BICDL1: variants seen among roughly 807,000 people sequenced by gnomAD.
The protein encoded by BICDL1 is BICD family like cargo adaptor 1, also known as BICD family-like cargo adapter 1.
A neutral mutation model predicts 76.8 loss-of-function variants in BICDL1; 20 were observed. The ratio of observed to expected loss-of-function variants is 0.26; its 90% CI spans 0.18 to 0.38. The LOEUF (loss-of-function observed/expected upper bound fraction) is 0.38. Among genes scored for constraint, BICDL1 ranks in the 10% least tolerant of loss-of-function variants. The pLI is 1.00. For synonymous variants in BICDL1, 383 were observed against 337.1 expected (o/e 1.14, Z -1.49); for missense variants, 700 against 798.6 (o/e 0.88, Z 1.49).
At chr12:120,074,704 A>C (rs1348311385) in intron 7 of BICDL1, 118 bp downstream of exon 7, 2 of 806,014 alleles carry the variant, frequency 2.5e-6, no homozygotes, top group Admixed American at 1.2e-4. Flanking sequence ...CCTTCATCAG[A>C]TCATCAAGGA....
At chr12:120,045,367 C>T (rs1233088689) in intron 2 of BICDL1, among the ~76,000 whole-genome samples, 2 of 150,798 alleles carry the variant, frequency 1.3e-5, no homozygotes, top group African/African-American at 4.8e-5. Context: ...GTGGCGATTC[C>T]TCAGGGATCT....
intron 8 of BICDL1, among the ~76,000 whole-genome samples, chr12:120,086,841 A>G (rs934927920): frequency 6.6e-6 from 1 of 152,250 alleles, no homozygotes; most frequent in African/African-American, 2.4e-5. Flanking sequence ...GGGGTTTCCC[A>G]TGAATGACGA....
At position 120,072,544 on chromosome 12, in the gene BICDL1, G is replaced by C; in HGVS notation, c.1123G>C (p.Val375Leu). 6.2e-7 allele frequency: 1 copy of C among 1,614,144 alleles called. No individual in the cohort carries two copies. Among genetic ancestry groups the C allele is most frequent in the Non-Finnish European group, 8.5e-7 (1 of 1,179,984 alleles). The change falls in exon 6 of 10, where the codon GTT becomes CTT. Residue 375 changes from valine to leucine, a missense_variant. Val to Leu is a conservative substitution (Grantham distance 32). Coordinates refer to ENST00000548673, the MANE Select transcript of BICDL1 (RefSeq NM_001367886.1). ...GCAGCTCTGGGAAGCCTACTGCCAG[G>C]TTCGCTATCTGTGCTCACACCTTCG... ...RLQLWEAYCQ[V>L]RYLCSHLRGN...
At position 120,093,190 on chromosome 12, in the gene BICDL1, G is replaced by C; in HGVS notation, c.*29G>C. 1.3e-6 allele frequency: 2 copies of C among 1,561,804 alleles called. No individual in the cohort carries two copies. Among genetic ancestry groups the C allele is most frequent in the Non-Finnish European group, 8.7e-7 (1 of 1,152,402 alleles). The stretch of plus-strand genomic sequence containing the variant: ...GGGAGGAGTCAGGCCACCAAAGATG[G>C]GTGGACTGGAGGCAGCTGGAAAGGC... On this transcript the variant is annotated 3_prime_UTR_variant, in exon 10 of 10. Transcript: ENST00000548673.
chr12:120,076,685 C>A (rs1272669943), intron 7 of BICDL1, among the ~76,000 whole-genome samples: 1 of 152,198 alleles, frequency 6.6e-6, no homozygotes, highest in East Asian at 1.9e-4. Flanking sequence ...TAGAATTGGA[C>A]TTCTGTAGGC....
chr12:120,011,698 A>G (rs1951956691), intron 2 of BICDL1, among the ~76,000 whole-genome samples: 1 of 152,238 alleles, frequency 6.6e-6, no homozygotes, highest in Non-Finnish European at 1.5e-5. Context: ...TATATTAGGT[A>G]GAATAACATT....
At position 119,990,214 on chromosome 12, in the gene BICDL1, C is replaced by G; in HGVS notation, c.346C>G (p.Leu116Val). The change falls in exon 1 of 10, where the codon CTG (leucine) becomes GTG (valine). Residue 116 changes from leucine (L) to valine (V), a missense_variant. Physicochemically the swap from Leu to Val is conservative, Grantham distance 32 (BLOSUM62 1). Around this residue, in one of 3 missense-constraint regions of BICDL1, gnomAD observed 225 missense variants for 199.6 expected, o/e 1.13. Coordinates refer to ENST00000548673, the MANE Select transcript of BICDL1 (RefSeq NM_001367886.1). Reference protein sequence around the residue: ...KEKDLVLAARLGKALLERNQD... With the variant: ...KEKDLVLAARVGKALLERNQD... The stretch of plus-strand genomic sequence containing the variant: ...GAAGGATCTGGTGTTGGCGGCCCGG[C>G]TGGGTAAGGCGCTGCTCGAGAGGAA... 2 of 1,570,138 alleles carry G rather than the reference C, an allele frequency of 1.3e-6. No individual in the cohort carries two copies. The highest frequency in any genetic ancestry group is 1.2e-5 in the South Asian group (1 of 85,316).
At chr12:120,013,323 A>G (rs1951992211) in intron 2 of BICDL1, among the ~76,000 whole-genome samples, 1 of 151,592 alleles carries the variant, frequency 6.6e-6, no homozygotes, top group Non-Finnish European at 1.5e-5. Context: ...CAAAAAAAAA[A>G]AAAAATTATA....
chr12:120,075,001 GTTC>G (rs1357374922), intron 7 of BICDL1, among the ~76,000 whole-genome samples: 2 of 152,186 alleles, frequency 1.3e-5, no homozygotes, highest in Admixed American at 6.5e-5. Context: ...CTCTCAGCCT[GTTC>G]TTCTGCTTTA....
intron 2 of BICDL1, among the ~76,000 whole-genome samples, chr12:120,046,517 A>G (rs970319920): frequency 3.3e-5 from 5 of 152,246 alleles, no homozygotes; most frequent in African/African-American, 1.2e-4. Flanking sequence ...GGTAGGTACT[A>G]CTTTCTCCTA....
intron 2 of BICDL1, among the ~76,000 whole-genome samples, chr12:120,023,274 C>G (rs1362178186): frequency 1.3e-5 from 2 of 152,156 alleles, no homozygotes; most frequent in African/African-American, 4.8e-5. Flanking sequence ...TGTGTTGGAC[C>G]ACTTTCAAAG....
intron 2 of BICDL1, among the ~76,000 whole-genome samples, chr12:120,019,455 A>C (rs1206366027): frequency 6.6e-6 from 1 of 152,230 alleles, no homozygotes; most frequent in Non-Finnish European, 1.5e-5. Flanking sequence ...TGCCTATACT[A>C]GTGCCCTGTG....
At chr12:120,092,795 A>C (rs1654184611) in intron 9 of BICDL1, 2 of 985,424 alleles carry the variant, frequency 2.0e-6, no homozygotes, top group African/African-American at 1.7e-5. Flanking sequence ...AAGCCTGAGG[A>C]GGCTGGAGGT....
At chr12:119,991,974 C>A (rs1218953970) in intron 1 of BICDL1, among the ~76,000 whole-genome samples, 2 of 152,204 alleles carry the variant, frequency 1.3e-5, no homozygotes, top group Non-Finnish European at 2.9e-5. Context: ...TTAAAACCTT[C>A]ATTCCTCTGC....
intron 2 of BICDL1, among the ~76,000 whole-genome samples, chr12:120,025,838 CT>C (rs1412892591): frequency 6.6e-6 from 1 of 151,050 alleles, no homozygotes; most frequent in Non-Finnish European, 1.5e-5. Context: ...TTACTGCTTT[CT>C]TTTTTTTCTT....
intron 1 of BICDL1, among the ~76,000 whole-genome samples, chr12:119,997,237 C>T (rs768808043): frequency 1.8e-4 from 28 of 152,080 alleles, no homozygotes; most frequent in Admixed American, 1.7e-3. Context: ...TGTGCCACCG[C>T]GCCTGGCCAC....
chr12:120,056,982 T>G (rs1952988198), intron 2 of BICDL1: 1 of 473,424 alleles, frequency 2.1e-6, no homozygotes, highest in African/African-American at 2.0e-5. Flanking sequence ...AGCCCTGGGT[T>G]GGATAGGAGC....
At chr12:120,040,174 C>G (rs1316095596) in intron 2 of BICDL1, among the ~76,000 whole-genome samples, 1 of 152,012 alleles carries the variant, frequency 6.6e-6, no homozygotes, top group Non-Finnish European at 1.5e-5. Flanking sequence ...GCAATTTCTG[C>G]TCACTGCAGC....
At position 120,010,255 on chromosome 12, in the gene BICDL1, C is replaced by T. The variant is rs910540315; in HGVS notation, c.645+11519C>T. Reference sequence around the variant, plus strand: ...TAACTGCTTCACTGGGTGAATAAAACAATTTGTTTTCAATATTTAAAATCA... The same window carrying T: ...TAACTGCTTCACTGGGTGAATAAAATAATTTGTTTTCAATATTTAAAATCA... On this transcript the variant is annotated intron_variant, in intron 2 of 9. Transcript: ENST00000548673. Among the ~76,000 whole-genome samples the T allele has an allele frequency of 3.9e-5, 6 of 152,222 alleles. No individual in the cohort carries two copies. In the South Asian group the frequency reaches 6.2e-4, roughly 16 times the overall value.
Sources: gnomAD v4.1 joint callset for allele counts (sites outside exome capture counted in the v4.1 genomes callset) on GRCh38, gnomAD v4.1.1 for gene constraint, gnomAD v4.1.1 regional missense constraint, MANE v1.5 for transcripts, NCBI Gene and HGNC (gene_info 2026-07-23, HGNC 2026-07-21) for gene names.